JAKMIP3: variants seen among roughly 807,000 people sequenced by gnomAD.
JAKMIP3 encodes Janus kinase and microtubule interacting protein 3.
JAKMIP3 carries 58 observed loss-of-function variants against 118.5 expected under a neutral mutation model. The ratio of observed to expected loss-of-function variants is 0.49; its 90% CI spans 0.40 to 0.61. JAKMIP3 has a LOEUF of 0.61. JAKMIP3 is among the 20% of genes least tolerant of loss of function. The pLI is 0.00. For synonymous variants in JAKMIP3, 486 were observed against 451.2 expected (o/e 1.08, Z -0.98); for missense variants, 950 against 1,109.0 (o/e 0.86, Z 2.04).
At chr10:132,180,979 G>A (rs945236860) in intron 23 of JAKMIP3, among the ~76,000 whole-genome samples, 12 of 147,258 alleles carry the variant, frequency 8.1e-5, no homozygotes, top group Non-Finnish European at 7.7e-5. Flanking sequence ...GTGTGGGCAT[G>A]TGTGTGTAGT....
chr10:132,136,145 C>T, intron 6 of JAKMIP3, 69 bp downstream of exon 6: 1 of 1,533,616 alleles, frequency 6.5e-7, no homozygotes, highest in Non-Finnish European at 8.9e-7. Context: ...CCTCCCTTCT[C>T]CACGCAAGAT....
At chr10:132,039,538 G>A (rs952325319) in intron 1 of JAKMIP3, among the ~76,000 whole-genome samples, 8 of 152,274 alleles carry the variant, frequency 5.3e-5, no homozygotes, top group African/African-American at 1.7e-4. Context: ...CCCTCTACAC[G>A]TGCCAGGACT....
chr10:132,071,160 A>AGTGTGT (rs3068079), intron 1 of JAKMIP3, among the ~76,000 whole-genome samples: 28,215 of 148,938 alleles, frequency 0.19, 2,793 homozygotes, highest in Non-Finnish European at 0.23. Flanking sequence ...GTCATTTAAA[A>AGTGTGT]GTGTGTGTGT....
chr10:132,183,869 T>A lies in JAKMIP3; in HGVS notation c.*2616T>A, dbSNP rs1185419521. ...AGTGAGCAGCAGCAGAATTCAAGTA[T>A]TTAAAAATAAGGTGCATTTCTAAAT... On this transcript the variant is annotated 3_prime_UTR_variant, in exon 24 of 24. Transcript: ENST00000684848. 1 of 152,222 alleles carries A rather than the reference T, an allele frequency of 6.6e-6. No homozygotes were observed. The allele number at this position is 152,222 out of a possible 1,614,324, so 9.4% of individuals were successfully genotyped here.
intron 1 of JAKMIP3, among the ~76,000 whole-genome samples, chr10:132,046,165 C>T (rs1011809200): frequency 6.6e-5 from 10 of 151,914 alleles, no homozygotes; most frequent in Admixed American, 1.3e-4. Context: ...TAGATAAAGC[C>T]GTCCAGGGGC....
chr10:132,135,783 G>A (rs1373113392), intron 5 of JAKMIP3, 147 bp from the exon 6 acceptor site: 2 of 835,708 alleles, frequency 2.4e-6, no homozygotes, highest in Non-Finnish European at 3.7e-6. Flanking sequence ...GGGCCAGTGG[G>A]CACCACTTGG....
rs1362586260 is a variant in JAKMIP3, at chr10:132,096,483, A to C, written c.-137-8189A>C. Among the ~76,000 whole-genome samples the C allele has an allele frequency of 2.0e-5, 3 of 152,166 alleles. No homozygotes were observed. In the East Asian group the frequency reaches 5.8e-4, roughly 29 times the overall value. ...CTTAACACGGGGTGGTGGTTACTGT[A>C]CTTGGTTAGTGTAATATCTGACTTC... On this transcript the variant is annotated intron_variant, in intron 1 of 23. Coordinates refer to ENST00000684848, the MANE Select transcript of JAKMIP3 (RefSeq NM_001323087.2).
chr10:132,146,965 C>T (rs754483837), intron 13 of JAKMIP3, among the ~76,000 whole-genome samples: 3 of 152,242 alleles, frequency 2.0e-5, no homozygotes, highest in East Asian at 1.9e-4. Flanking sequence ...CACTTGAACA[C>T]GCACACACGT....
intron 1 of JAKMIP3, among the ~76,000 whole-genome samples, chr10:132,041,019 C>T (rs987317732): frequency 6.6e-6 from 1 of 152,188 alleles, no homozygotes; most frequent in Non-Finnish European, 1.5e-5. Flanking sequence ...GCACCTGTGT[C>T]TCGCGGCTGA....
intron 2 of JAKMIP3, among the ~76,000 whole-genome samples, chr10:132,116,450 T>A (rs891564559): frequency 1.4e-5 from 2 of 143,444 alleles, no homozygotes; most frequent in African/African-American, 5.3e-5. Context: ...TCCCCCCAAA[T>A]GCACATTCAA....
rs1434486237 is a variant in JAKMIP3, at chr10:132,075,483, C to T, written c.-138+9422C>T. 2.0e-5 allele frequency among the ~76,000 whole-genome samples: 3 copies of T among 146,814 alleles called. No individual in the cohort carries two copies. The East Asian group carries it at 6.2e-4, about 30-fold the overall frequency. On this transcript the variant is annotated intron_variant, in intron 1 of 23. Transcript: ENST00000684848. ...GTGCTGCAGTGGTGTGATCTTGGCT[C>T]ACTGCAAACTCTGCCTCCCAGGTTC...
chr10:132,057,412 G>A (rs1051670813), intron 1 of JAKMIP3, among the ~76,000 whole-genome samples: 1 of 152,192 alleles, frequency 6.6e-6, no homozygotes. Context: ...AGAGCCCAGC[G>A]TGGGCAGGAG....
chr10:132,150,025 G>A lies in JAKMIP3; in HGVS notation c.1991G>A (p.Gly664Asp). The change falls in exon 16 of 24, where the codon GGC becomes GAC. Residue 664 changes from glycine (G) to aspartate (D), a missense_variant. Physicochemically the swap from Gly to Asp is moderately conservative, Grantham distance 94. Transcript: ENST00000684848. ...AELMKKLDIL[G>D]DNAVSNLTNE... ...CTGATGAAGAAGCTGGACATCCTGG[G>A]CGATAACGCCGTAAGTGTATGTCGC... The A allele has an allele frequency of 6.3e-7, 1 of 1,597,102 alleles. No individual in the cohort carries two copies. The highest frequency in any genetic ancestry group is 8.5e-7 in the Non-Finnish European group (1 of 1,174,412).
intron 3 of JAKMIP3, among the ~76,000 whole-genome samples, chr10:132,122,488 A>C (rs532182505): frequency 2.7e-4 from 41 of 152,370 alleles, no homozygotes; most frequent in African/African-American, 9.9e-4. Context: ...GGGGCCACAC[A>C]GCAGGGCAGG....
At chr10:132,142,090 C>CT (rs1387693174) in intron 11 of JAKMIP3, 42 bp downstream of exon 11, 2 of 1,559,256 alleles carry the variant, frequency 1.3e-6, no homozygotes, top group Non-Finnish European at 1.7e-6. Flanking sequence ...CCCCTCGTGC[C>CT]TTCCCGCTTG....
intron 19 of JAKMIP3, among the ~76,000 whole-genome samples, chr10:132,156,283 CTCCA>C (rs1263487768): frequency 6.6e-6 from 1 of 152,188 alleles, no homozygotes; most frequent in African/African-American, 2.4e-5. Context: ...CCTTATCCTC[CTCCA>C]TCCTGCTCAT....
intron 23 of JAKMIP3, among the ~76,000 whole-genome samples, chr10:132,174,619 T>C (rs1230996923): frequency 6.6e-6 from 1 of 152,210 alleles, no homozygotes; most frequent in Non-Finnish European, 1.5e-5. Context: ...TTCTTTCTCT[T>C]GGGTAAATAC....
chr10:132,066,240 C>T (rs982702549), intron 1 of JAKMIP3, among the ~76,000 whole-genome samples, 179 bp downstream of exon 1: 1 of 152,228 alleles, frequency 6.6e-6, no homozygotes, highest in African/African-American at 2.4e-5. Context: ...GAGGAAGATG[C>T]TTCATTTATC....
chr10:132,161,469 GT>G, intron 19 of JAKMIP3, among the ~76,000 whole-genome samples: 7 of 88,256 alleles, frequency 7.9e-5, no homozygotes, highest in African/African-American at 3.1e-4. Flanking sequence ...GATGCAGGCG[GT>G]GGCCTCTTCC....
Sources: gnomAD v4.1 joint callset for allele counts (sites outside exome capture counted in the v4.1 genomes callset) on GRCh38, gnomAD v4.1.1 for gene constraint, MANE v1.5 for transcripts, NCBI Gene and HGNC (gene_info 2026-07-23, HGNC 2026-07-21) for gene names.